AGBL3: variants seen among roughly 807,000 people sequenced by gnomAD.
AGBL3 encodes cytosolic carboxypeptidase 3.
AGBL3 carries 68 observed loss-of-function variants against 94.5 expected under a neutral mutation model. That is an observed-to-expected ratio of 0.72 (90% confidence interval 0.59 to 0.88). The LOEUF (loss-of-function observed/expected upper bound fraction) is 0.88. Among genes scored for constraint, AGBL3 ranks in the 40% least tolerant of loss-of-function variants. The probability of loss-of-function intolerance (pLI) is 0.00; values close to 1 mark genes in which losing one functional copy is unlikely to be tolerated. For synonymous variants in AGBL3, 354 were observed against 370.7 expected, an observed-to-expected ratio of 0.95 and a Z score of 0.52; for missense variants, 934 against 1,103.8, an observed-to-expected ratio of 0.85 and a Z score of 2.18.
intron 16 of AGBL3, among the ~76,000 whole-genome samples, chr7:135,124,310 C>T (rs1827559148): frequency 6.6e-6 from 1 of 151,748 alleles, no homozygotes; most frequent in South Asian, 2.1e-4. Context: ...AAGGGTATTA[C>T]ATAATGGTAA....
chr7:135,083,459 G>T (rs1563248288), intron 15 of AGBL3, among the ~76,000 whole-genome samples: 2 of 152,024 alleles, frequency 1.3e-5, no homozygotes, highest in East Asian at 3.9e-4. Context: ...ATAATTTCAA[G>T]AATAGTAAAA....
chr7:134,987,669 TTTGTC>T (rs1307209984), intron 1 of AGBL3, among the ~76,000 whole-genome samples: 1 of 152,180 alleles, frequency 6.6e-6, no homozygotes, highest in African/African-American at 2.4e-5. Flanking sequence ...ATTTGCTTGA[TTTGTC>T]TTATTGTGGT....
chr7:135,017,211 T>A, intron 5 of AGBL3, 52 bp downstream of exon 5: 1 of 1,244,842 alleles, frequency 8.0e-7, no homozygotes, highest in Non-Finnish European at 1.2e-6. Flanking sequence ...GTACTTAGGT[T>A]AATCTCTTAA....
rs562022679 is a variant in AGBL3, at chr7:134,989,053, G to A, written c.64-197G>A. Among the ~76,000 whole-genome samples the A allele has an allele frequency of 3.9e-5, 6 of 152,292 alleles. No individual in the cohort carries two copies. In the East Asian group the frequency reaches 1.2e-3, roughly 29 times the overall value. ...CAGTGGAAGAGGAGGAATGAAAGATGCAAACTTTAAGGTTTCAGGATATTT... is the reference window on the plus strand; with the variant it reads ...CAGTGGAAGAGGAGGAATGAAAGATACAAACTTTAAGGTTTCAGGATATTT... On this transcript the variant is annotated intron_variant, in intron 2 of 16. Coordinates refer to ENST00000436302, the MANE Select transcript of AGBL3 (RefSeq NM_178563.4).
intron 2 of AGBL3, 142 bp downstream of exon 2, chr7:134,988,138 C>A: frequency 1.5e-6 from 1 of 651,602 alleles, no homozygotes; most frequent in Non-Finnish European, 2.5e-6. Context: ...AATAATTTGG[C>A]TGAAAAAGCT....
rs372218532 is a variant in AGBL3 at position 135,057,814 on chromosome 7, T to C, written c.1842-1355T>C. 5.3e-5 allele frequency among the ~76,000 whole-genome samples: 8 copies of C among 152,240 alleles called. No homozygotes were observed. In the East Asian group the frequency reaches 1.3e-3, roughly 26 times the overall value. On this transcript the variant is annotated intron_variant, in intron 11 of 16. Transcript: ENST00000436302. Reference sequence around the variant, plus strand: ...TTTTTTAAAATGAGCTATCAAACCATAAAAATATATGGCAGAACTTTAATT... The same window carrying C: ...TTTTTTAAAATGAGCTATCAAACCACAAAAATATATGGCAGAACTTTAATT...
intron 12 of AGBL3, among the ~76,000 whole-genome samples, chr7:135,062,645 G>C (rs1003210605): frequency 1.3e-5 from 2 of 152,046 alleles, no homozygotes; most frequent in African/African-American, 4.8e-5. Flanking sequence ...CCTTCATTCT[G>C]CTAATATGAT....
intron 16 of AGBL3, among the ~76,000 whole-genome samples, chr7:135,125,040 T>C (rs925324750): frequency 2.0e-5 from 3 of 151,280 alleles, no homozygotes; most frequent in Admixed American, 2.0e-4. Flanking sequence ...AGACAAGAAA[T>C]AACTAAGATT....
Position 135,135,533 on chromosome 7 carries a change from G to T in AGBL3, c.*272G>T, listed in dbSNP as rs187406159. The T allele has an allele frequency of 3.6e-5, 9 of 249,292 alleles. No individual in the cohort carries two copies. The highest frequency in any genetic ancestry group is 1.3e-4 in the African/African-American group (6 of 45,012). The allele number at this position is 249,292 out of a possible 1,614,324, so 15.4% of individuals were successfully genotyped here. On this transcript the variant is annotated 3_prime_UTR_variant, in exon 17 of 17. Coordinates refer to ENST00000436302, the MANE Select transcript of AGBL3 (RefSeq NM_178563.4). The stretch of plus-strand genomic sequence containing the variant: ...CATGGAAAAAAATCTCTGAAGTTTT[G>T]ATTTCTTCCAAAACTACTTACACAT...
At chr7:135,090,502 C>T (rs992748883) in intron 15 of AGBL3, among the ~76,000 whole-genome samples, 6 of 152,216 alleles carry the variant, frequency 3.9e-5, no homozygotes, top group East Asian at 1.9e-4. Flanking sequence ...GCCAGGGCAC[C>T]GATCCTCCAA....
At chr7:135,101,156 GA>G (rs1374050089) in intron 15 of AGBL3, 2 of 455,732 alleles carry the variant, frequency 4.4e-6, no homozygotes, top group South Asian at 1.6e-5. Flanking sequence ...GCCAATCTAG[GA>G]AAAAAATTCC....
At chr7:135,011,852 T>C (rs1365898120) in intron 4 of AGBL3, 1 of 152,180 alleles carries the variant, frequency 6.6e-6, no homozygotes, top group Non-Finnish European at 1.5e-5. Context: ...TTTTGGATGA[T>C]AGCTTGGCGT....
chr7:135,135,098 G>C lies in AGBL3; in HGVS notation c.2600G>C (p.Gly867Ala), dbSNP rs778046559. The C allele has an allele frequency of 3.2e-5, 49 of 1,551,104 alleles. No homozygotes were observed. The highest frequency in any genetic ancestry group is 4.1e-5 in the Non-Finnish European group (47 of 1,146,674). The change falls in exon 17 of 17, where the codon GGA becomes GCA. Residue 867 changes from glycine to alanine, a missense_variant. By Grantham distance (60) the Gly-to-Ala change is moderately conservative. Transcript: ENST00000436302. ...SKWETASSSF[G>A]MDANVLKYKS... ...TGGGAGACTGCTTCTTCAAGCTTTG[G>C]AATGGATGCAAATGTTCTAAAATAT...
intron 16 of AGBL3, chr7:135,128,357 T>A: frequency 3.5e-6 from 1 of 282,648 alleles, no homozygotes; most frequent in Non-Finnish European, 6.5e-6. Flanking sequence ...ATTTGTAAAC[T>A]GTCATGGCCC....
intron 4 of AGBL3, among the ~76,000 whole-genome samples, chr7:135,014,976 A>G (rs1738765502): frequency 6.6e-6 from 1 of 152,252 alleles, no homozygotes; most frequent in African/African-American, 2.4e-5. Context: ...AATGATAGCC[A>G]ACACTTTCAA....
chr7:135,103,647 T>C (rs1164351642), intron 15 of AGBL3, among the ~76,000 whole-genome samples: 1 of 152,184 alleles, frequency 6.6e-6, no homozygotes, highest in Non-Finnish European at 1.5e-5. Flanking sequence ...TCTATCTCAG[T>C]AGGAGACTGA....
At chr7:135,127,435 C>A (rs1367401070) in intron 16 of AGBL3, among the ~76,000 whole-genome samples, 3 of 152,100 alleles carry the variant, frequency 2.0e-5, no homozygotes, top group Non-Finnish European at 4.4e-5. Context: ...CGCCTGTAGT[C>A]CCAGCTACTC....
chr7:135,051,026 C>A (rs1293936273), intron 11 of AGBL3: 3 of 444,800 alleles, frequency 6.7e-6, no homozygotes, highest in South Asian at 3.2e-5. Flanking sequence ...CCACAGAGAA[C>A]TGACATTTTT....
intron 1 of AGBL3, among the ~76,000 whole-genome samples, 181 bp from the exon 2 acceptor site, chr7:134,987,694 G>A (rs181047475): frequency 1.3e-5 from 2 of 152,164 alleles, no homozygotes; most frequent in Admixed American, 1.3e-4. Flanking sequence ...TTGTTGTCTC[G>A]TATAGTCATG....
Sources: allele counts gnomAD v4.1 joint callset (sites outside exome capture counted in the v4.1 genomes callset), GRCh38; gene constraint gnomAD v4.1.1; transcripts MANE v1.5; gene names NCBI Gene and HGNC (gene_info 2026-07-23, HGNC 2026-07-21).